The following FANCM variants were observed in gnomAD, a reference collection of about 807,000 sequenced individuals.
FANCM encodes FA complementation group M.
A neutral mutation model predicts 199.5 loss-of-function variants in FANCM; 140 were observed. That is an observed-to-expected ratio of 0.70 (90% CI 0.61 to 0.81). The LOEUF is 0.81. Ranked by LOEUF, FANCM falls within the 30% of genes least tolerant of loss-of-function variation. The probability of loss-of-function intolerance (pLI) is 0.00; values close to 1 mark genes in which losing one functional copy is unlikely to be tolerated. For missense variants in FANCM, 2,410 were observed against 2,421.4 expected (o/e 1.00, Z 0.10); for synonymous variants, 840 against 836.8 (o/e 1.00, Z -0.07).
chr14:45,200,680 T>C lies in FANCM; in HGVS notation c.*672T>C, dbSNP rs1343635515. 1 of 152,242 alleles carries C rather than the reference T, an allele frequency of 6.6e-6. No homozygotes were observed. The highest frequency in any genetic ancestry group is 1.5e-5 in the Non-Finnish European group (1 of 68,074). 9.4% of individuals were successfully genotyped at this position (152,242 alleles called of 1,614,324 possible). A position where few individuals can be genotyped will look rare whatever the true frequency, so the allele number is the denominator to read the frequency against. On this transcript the variant is annotated 3_prime_UTR_variant, in exon 23 of 23. Transcript: ENST00000267430. Reference sequence around the variant, plus strand: ...GACCTCCTGGAACGTGATTAGCTCATGGGGGCGGTTCCCCCATGCTGTTCT... The same window carrying C: ...GACCTCCTGGAACGTGATTAGCTCACGGGGGCGGTTCCCCCATGCTGTTCT...
At position 45,154,052 on chromosome 14, in the gene FANCM, G is replaced by A; in HGVS notation, c.1183G>A (p.Gly395Arg). Residue 395 changes from glycine (G) to arginine (R), a missense_variant and splice_region_variant, in exon 6 of 23, where the codon GGG becomes AGG. Gly to Arg is a moderately radical substitution (Grantham distance 125). Transcript: ENST00000267430. ...FLCGIMDGTK[G>R]MTRSKNELGR... ...TTGTGGAATTATGGATGGAACTAAAGGTAAATTATATCAAATTATTTAAAG... is the reference window on the plus strand; with the variant it reads ...TTGTGGAATTATGGATGGAACTAAAAGTAAATTATATCAAATTATTTAAAG... 1 of 1,541,162 alleles carries A rather than the reference G, an allele frequency of 6.5e-7. No individual in the cohort carries two copies. The highest frequency in any genetic ancestry group is 9.0e-7 in the Non-Finnish European group (1 of 1,113,946).
intron 9 of FANCM, among the ~76,000 whole-genome samples, chr14:45,161,643 G>T (rs745515141): frequency 3.1e-4 from 47 of 152,112 alleles, no homozygotes; most frequent in Non-Finnish European, 5.4e-4. Flanking sequence ...GCTGGGTGTG[G>T]TGGCATGTGC....
intron 7 of FANCM, 37 bp from the exon 8 acceptor site, chr14:45,155,336 A>C (rs774555880): frequency 1.1e-6 from 1 of 944,068 alleles, no homozygotes; most frequent in South Asian, 1.4e-5. Context: ...TATGGAAAAA[A>C]ACAGAAAAAA....
intron 12 of FANCM, 135 bp downstream of exon 12, chr14:45,170,881 T>G: frequency 1.3e-6 from 1 of 775,810 alleles, no homozygotes; most frequent in East Asian, 2.7e-5. Context: ...GTCAACTTAC[T>G]TTAAGAAATT....
Position 45,155,423 on chromosome 14 carries a change from G to GAACAAAGTTA in FANCM, c.1362_1363insCAAAGTTAAA (p.Glu455GlnfsTer3), listed in dbSNP as rs774390409. ...TAGTCATCCAAAGTTAAAGAAATTA[G>GAACAAAGTTA]AAGAAGTTGTAATTGAACACTTCAA... On this transcript the variant is annotated stop_gained and frameshift_variant, in exon 8 of 23. Transcript: ENST00000267430. LOFTEE classifies it high-confidence loss of function. 1.3e-5 allele frequency: 20 copies of GAACAAAGTTA among 1,490,718 alleles called. No homozygotes were observed. The highest frequency in any genetic ancestry group is 1.9e-5 in the Non-Finnish European group (20 of 1,069,208). The allele number at this position is 1,490,718 out of a possible 1,614,324, so 92.3% of individuals were successfully genotyped here.
In FANCM at chr14:45,162,900, G is replaced by C. The variant is rs545897411; in HGVS notation, c.1582-1459G>C. 2.0e-5 allele frequency among the ~76,000 whole-genome samples: 3 copies of C among 151,726 alleles called. No homozygotes were observed. The South Asian group carries it at 6.2e-4, about 31-fold the overall frequency. On this transcript the variant is annotated intron_variant, in intron 9 of 22. Transcript: ENST00000267430. ...CTTTATCTGGGCAAAAAGGACATCT[G>C]CTTTACTGTGTTATATGCAGGTTGG...
chr14:45,195,807 C>T (rs907305799), intron 20 of FANCM, among the ~76,000 whole-genome samples: 7 of 152,240 alleles, frequency 4.6e-5, no homozygotes, highest in Middle Eastern at 3.4e-3. Flanking sequence ...GTCTGGTTTC[C>T]TTATTCTTCA....
chr14:45,188,842 G>A lies in FANCM; in HGVS notation c.4820G>A (p.Cys1607Tyr), dbSNP rs769869730. The A allele has an allele frequency of 8.1e-6, 13 of 1,613,416 alleles. No individual in the cohort carries two copies. In the Admixed American group the frequency reaches 1.7e-4, roughly 21 times the overall value. Residue 1607 changes from cysteine (C) to tyrosine (Y), a missense_variant, in exon 20 of 23, where the codon TGT (cysteine) becomes TAT (tyrosine). Physicochemically the swap from Cys to Tyr is radical, Grantham distance 194 (BLOSUM62 -2). Coordinates refer to ENST00000267430, the MANE Select transcript of FANCM (RefSeq NM_020937.4). ...QDETYLEDSF[C>Y]VDEEESCKGQ... ...GAAACCTATTTAGAGGATAGTTTTT[G>A]TGTTGATGAAGAGGAGTCTTGCAAA...
At chr14:45,142,285 A>C (rs1594757338) in intron 3 of FANCM, among the ~76,000 whole-genome samples, 1 of 148,506 alleles carries the variant, frequency 6.7e-6, no homozygotes, top group Non-Finnish European at 1.5e-5. Context: ...GTCCCTTCTA[A>C]TCTGTGATGG....
rs1566739002 is a variant in FANCM at position 45,155,421 on chromosome 14, TAGA to T, written c.1364_1366del (p.Glu455del). On this transcript the variant is annotated inframe_deletion, in exon 8 of 23. Coordinates refer to ENST00000267430, the MANE Select transcript of FANCM (RefSeq NM_020937.4). ...TATAGTCATCCAAAGTTAAAGAAATTAGAAGAAGTTGTAATTGAACACTTCAAG... is the reference window on the plus strand; with the variant it reads ...TATAGTCATCCAAAGTTAAAGAAATTAGAAGTTGTAATTGAACACTTCAAG... 6.7e-7 allele frequency: 1 copy of T among 1,490,330 alleles called. No homozygotes were observed. Among genetic ancestry groups the T allele is most frequent in the Admixed American group, 1.7e-5 (1 of 59,566 alleles). The allele number at this position is 1,490,330 out of a possible 1,614,324, so 92.3% of individuals were successfully genotyped here.
chr14:45,161,447 G>A (rs1042130894), intron 9 of FANCM, among the ~76,000 whole-genome samples: 2 of 152,088 alleles, frequency 1.3e-5, no homozygotes, highest in Non-Finnish European at 2.9e-5. Context: ...AGTTCTTGGA[G>A]AGTTTGGGGC....
At chr14:45,191,955 C>A (rs576118076) in intron 20 of FANCM, among the ~76,000 whole-genome samples, 1 of 152,156 alleles carries the variant, frequency 6.6e-6, no homozygotes, top group African/African-American at 2.4e-5. Flanking sequence ...GTTTAGAAAG[C>A]CATACTCTAA....
rs1222086000 is a variant in FANCM at position 45,199,772 on chromosome 14, T to C, written c.6009-98T>C. ...TGGGCGGATAATGCTTGAGATGATT[T>C]CCTTAAAGGCTACTGTGTTTGGTGT... On this transcript the variant is annotated intron_variant, in intron 22 of 22. Transcript: ENST00000267430. 3.8e-6 allele frequency: 4 copies of C among 1,056,036 alleles called. No homozygotes were observed. The Admixed American group carries it at 5.2e-5, about 14-fold the overall frequency. 65.4% of individuals were successfully genotyped at this position (1,056,036 alleles called of 1,614,324 possible).
chr14:45,159,249 C>G lies in FANCM; in HGVS notation c.1550C>G (p.Thr517Arg), dbSNP rs149473953. The G allele has an allele frequency of 1.2e-6, 2 of 1,613,138 alleles. No individual in the cohort carries two copies. The highest frequency in any genetic ancestry group is 2.2e-5 in the East Asian group (1 of 44,846). The change falls in exon 9 of 23, where the codon ACG (threonine) becomes AGG (arginine). Residue 517 changes from threonine to arginine, a missense_variant. Physicochemically the swap from Thr to Arg is moderately conservative, Grantham distance 71. Transcript: ENST00000267430. ...GTCGGCCATGCCTCAGGGAAAAGCA[C>G]GAAGGGTTTTACCCAGAAGGAGCAA... ...TFVGHASGKS[T>R]KGFTQKEQLE...
rs980293400 is a variant in FANCM, at chr14:45,148,985, C to A, written c.908C>A (p.Thr303Asn). The change falls in exon 4 of 23, where the codon ACC (threonine) becomes AAC (asparagine). Residue 303 changes from threonine (T) to asparagine (N), a missense_variant. Coordinates refer to ENST00000267430, the MANE Select transcript of FANCM (RefSeq NM_020937.4). ...LGEELAAIQK[T>N]YIQILESFAR... Reference sequence around the variant, plus strand: ...GAAGAACTTGCAGCCATCCAAAAGACCTATATCCAGGTAAACCATTTTTAT... The same window carrying A: ...GAAGAACTTGCAGCCATCCAAAAGAACTATATCCAGGTAAACCATTTTTAT... The A allele has an allele frequency of 1.2e-6, 2 of 1,613,126 alleles. No individual in the cohort carries two copies. Among genetic ancestry groups the A allele is most frequent in the Admixed American group, 3.3e-5 (2 of 60,006 alleles).
Position 45,159,385 on chromosome 14 carries a change from G to T in FANCM, c.1581+105G>T, listed in dbSNP as rs549642357. ...CACTGGTCAATTAGCTACTTAAAAA[G>T]AATTTTACAGTAAACGTGTAGGTAA... On this transcript the variant is annotated intron_variant, in intron 9 of 22. Coordinates refer to ENST00000267430, the MANE Select transcript of FANCM (RefSeq NM_020937.4). The T allele has an allele frequency of 2.2e-4, 159 of 732,084 alleles. 2 individuals are homozygous for T. In the East Asian group the frequency reaches 3.0e-3, roughly 14 times the overall value. 45.3% of individuals were successfully genotyped at this position (732,084 alleles called of 1,614,324 possible).
chr14:45,181,739 A>G, intron 16 of FANCM, 34 bp downstream of exon 16: 1 of 1,369,206 alleles, frequency 7.3e-7, no homozygotes, highest in Non-Finnish European at 1.0e-6. Flanking sequence ...TAGTAATCCA[A>G]ATTCCTTTGG....
At chr14:45,191,700 T>G (rs1362886603) in intron 20 of FANCM, among the ~76,000 whole-genome samples, 1 of 152,202 alleles carries the variant, frequency 6.6e-6, no homozygotes, top group Non-Finnish European at 1.5e-5. Context: ...GTGTGATTCT[T>G]ATTACTTGAA....
intron 4 of FANCM, among the ~76,000 whole-genome samples, chr14:45,150,892 T>C (rs1196759233): frequency 6.6e-6 from 1 of 152,186 alleles, no homozygotes; most frequent in Non-Finnish European, 1.5e-5. Flanking sequence ...TTTAGAACAG[T>C]GCCTGTTACA....
Sources: gnomAD v4.1 joint callset for allele counts (sites outside exome capture counted in the v4.1 genomes callset) on GRCh38, gnomAD v4.1.1 for gene constraint, MANE v1.5 for transcripts, NCBI Gene and HGNC (gene_info 2026-07-23, HGNC 2026-07-21) for gene names.